RTEL1: variants seen among roughly 807,000 people sequenced by gnomAD.
RTEL1 encodes regulator of telomere elongation helicase 1.
In RTEL1, 86 loss-of-function variants were observed where a neutral mutation model predicts 162.2. That is an observed-to-expected ratio of 0.53 (90% CI 0.45 to 0.63). The LOEUF is 0.63. Among genes scored for constraint, RTEL1 ranks in the 30% least tolerant of loss-of-function variants. The pLI is 0.00. For missense variants in RTEL1, 1,941 were observed against 1,750.2 expected (o/e 1.11, Z -1.95); for synonymous variants, 958 against 717.9 (o/e 1.33, Z -5.35).
chr20:63,672,487 A>G, intron 8 of RTEL1, 69 bp from the exon 9 acceptor site: 8 of 1,254,296 alleles, frequency 6.4e-6, no homozygotes, highest in Non-Finnish European at 9.1e-6. Context: ...CCTGCTGCAC[A>G]TGTCTTGGCT....
intron 2 of RTEL1, 40 bp downstream of exon 2, chr20:63,659,544 G>A: frequency 1.4e-6 from 2 of 1,472,740 alleles, no homozygotes; most frequent in Non-Finnish European, 1.9e-6. Flanking sequence ...CGGGTGGGTG[G>A]AGCTTCAGCC....
chr20:63,664,909 T>C lies in RTEL1; in HGVS notation c.539-1095T>C, dbSNP rs1019506099. On this transcript the variant is annotated intron_variant, in intron 6 of 34. Coordinates refer to ENST00000360203, the MANE Select transcript of RTEL1 (RefSeq NM_001283009.2). Reference sequence around the variant, plus strand: ...GCCTCTGGGACGGCCCCGCCCCTCGTGCCCCTTCCCCTCGCAGCTCCTGTC... The same window carrying C: ...GCCTCTGGGACGGCCCCGCCCCTCGCGCCCCTTCCCCTCGCAGCTCCTGTC... 2.0e-5 allele frequency among the ~76,000 whole-genome samples: 3 copies of C among 152,146 alleles called. No individual in the cohort carries two copies. The South Asian group carries it at 6.2e-4, about 31-fold the overall frequency.
intron 10 of RTEL1, among the ~76,000 whole-genome samples, chr20:63,675,883 A>G (rs1396132034): frequency 6.6e-6 from 1 of 152,108 alleles, no homozygotes; most frequent in East Asian, 1.9e-4. Context: ...CATCGCTTAC[A>G]TAACGTGGGA....
intron 27 of RTEL1, 58 bp from the exon 28 acceptor site, chr20:63,691,684 G>C: frequency 6.9e-7 from 1 of 1,451,030 alleles, no homozygotes; most frequent in Non-Finnish European, 9.6e-7. Context: ...CAGGTGCTTT[G>C]GGACCCCAGA....
At chr20:63,692,488 G>C in intron 28 of RTEL1, 1 of 431,634 alleles carries the variant, frequency 2.3e-6, no homozygotes, top group Non-Finnish European at 4.3e-6. Flanking sequence ...CTGTGGGGCA[G>C]GGGGCTTGAG....
At chr20:63,681,547 G>A in intron 14 of RTEL1, 1 of 985,246 alleles carries the variant, frequency 1.0e-6, no homozygotes, top group African/African-American at 1.7e-5. Flanking sequence ...CTGGCCTGTG[G>A]GGTGCTTGAG....
chr20:63,691,894 G>C (rs890549303), intron 28 of RTEL1, 57 bp downstream of exon 28: 28 of 1,427,366 alleles, frequency 2.0e-5, no homozygotes, highest in Non-Finnish European at 2.2e-5. Context: ...TGGGAACGCA[G>C]CCGTGGGTGC....
intron 26 of RTEL1, 33 bp from the exon 27 acceptor site, chr20:63,690,772 T>TG: frequency 6.4e-7 from 1 of 1,574,086 alleles, no homozygotes; most frequent in Non-Finnish European, 8.6e-7. Context: ...GGGCCCCCCG[T>TG]GGGCTTCACT....
rs577691077 is a variant in RTEL1, at chr20:63,693,379, G to A, written c.2992+96G>A. On this transcript the variant is annotated intron_variant, in intron 30 of 34. Coordinates refer to ENST00000360203, the MANE Select transcript of RTEL1 (RefSeq NM_001283009.2). ...CTTGGGGTGGGCATCCTCGGGCCCT[G>A]CTTGGCCCCGCCTCTCTGTTCCCCT... 11 of 1,452,668 alleles carry A rather than the reference G, an allele frequency of 7.6e-6. No homozygotes were observed. The East Asian group carries it at 1.1e-4, about 15-fold the overall frequency. 90.0% of individuals were successfully genotyped at this position (1,452,668 alleles called of 1,614,324 possible). A position where few individuals can be genotyped will look rare whatever the true frequency, so the allele number is the denominator to read the frequency against.
chr20:63,695,238 G>T lies in RTEL1; in HGVS notation c.3499+17G>T, dbSNP rs769207606. On this transcript the variant is annotated intron_variant, in intron 33 of 34. Transcript: ENST00000360203. ...CCCAACCAGGTAGGGCACCTGCCTG[G>T]CTGCTCCTGGCAGCGCCCCAACCGC... 6.2e-7 allele frequency: 1 copy of T among 1,609,528 alleles called. No homozygotes were observed. Among genetic ancestry groups the T allele is most frequent in the East Asian group, 2.2e-5 (1 of 44,784 alleles).
At chr20:63,688,225 C>A in intron 19 of RTEL1, 46 bp downstream of exon 19, 1 of 1,609,874 alleles carries the variant, frequency 6.2e-7, no homozygotes, top group Non-Finnish European at 8.5e-7. Context: ...GGATCCTGGA[C>A]CCCTGCTCCC....
In RTEL1 at chr20:63,685,587, A is replaced by C; in HGVS notation, c.1256A>C (p.Gln419Pro). ...PGSPAGLGAL[Q>P]SYKVHIHPDA... is the part of the protein sequence containing the mutation. ...TCCCCAGCAGGGCTGGGGGCCTTAC[A>C]GTCCTATAAGGTAGGGGCCACCTCC... The change falls in exon 15 of 35, where the codon CAG (glutamine) becomes CCG (proline). Residue 419 changes from glutamine (Q) to proline (P), a missense_variant. Gln to Pro is a moderately conservative substitution (Grantham distance 76). Transcript: ENST00000360203. The C allele has an allele frequency of 1.9e-6, 3 of 1,611,418 alleles. No individual in the cohort carries two copies. The highest frequency in any genetic ancestry group is 2.5e-6 in the Non-Finnish European group (3 of 1,179,492).
At chr20:63,665,720 G>A (rs966821990) in intron 6 of RTEL1, among the ~76,000 whole-genome samples, 3 of 152,154 alleles carry the variant, frequency 2.0e-5, no homozygotes, top group Admixed American at 6.5e-5. Flanking sequence ...GGGCTGTCTC[G>A]GAGAGGATGC....
At chr20:63,693,468 TCCACCTCCACCTC>T (rs2090838199) in intron 30 of RTEL1, among the ~76,000 whole-genome samples, 185 bp downstream of exon 30, 472 of 9,726 alleles carry the variant, frequency 0.049, 56 homozygotes, top group East Asian at 0.1. Context: ...CACCTCCACC[TCCACCTCCACCTC>T]CACCACCACC....
chr20:63,664,021 T>C (rs6011000), intron 6 of RTEL1, among the ~76,000 whole-genome samples: 4,122 of 152,224 alleles, frequency 0.027, 190 homozygotes, highest in African/African-American at 0.095. Context: ...AGACATCCTC[T>C]GTGTTGCTTC....
In RTEL1 at chr20:63,695,166, C is replaced by T; in HGVS notation, c.3444C>T (p.Pro1148=). The T allele has an allele frequency of 7.4e-6, 12 of 1,612,434 alleles. No homozygotes were observed. The highest frequency in any genetic ancestry group is 1.0e-5 in the Non-Finnish European group (12 of 1,179,840). The change falls in exon 33 of 35, where the codon CCC becomes CCT. Residue 1148 remains proline (P), a synonymous_variant. Coordinates refer to ENST00000360203, the MANE Select transcript of RTEL1 (RefSeq NM_001283009.2). ...RPYPGMEPPG[P]QEERLAVPPV... ...ACCCGGGCATGGAGCCACCGGGACC[C>T]CAGGAGGAGAGGCTTGCCGTGCCTC...
intron 26 of RTEL1, 140 bp downstream of exon 26, chr20:63,690,581 C>T (rs992484100): frequency 2.4e-6 from 3 of 1,233,478 alleles, no homozygotes; most frequent in East Asian, 5.1e-5. Context: ...GCTGCCTCTC[C>T]CTCCTAGGGC....
At position 63,659,379 on chromosome 20, in the gene RTEL1, G is replaced by C; in HGVS notation, c.-24G>C. The C allele has an allele frequency of 6.3e-7, 1 of 1,580,898 alleles. No homozygotes were observed. The highest frequency in any genetic ancestry group is 2.2e-5 in the East Asian group (1 of 44,700). ...ATAGCCTGCCCCTCAGCCACGCTCT[G>C]TGCCCTTCTGAGAACAGGCTGATAT... On this transcript the variant is annotated 5_prime_UTR_variant, in exon 2 of 35. Transcript: ENST00000360203.
chr20:63,659,410 A>G lies in RTEL1; in HGVS notation c.8A>G (p.Lys3Arg). Residue 3 changes from lysine (K) to arginine (R), a missense_variant, in exon 2 of 35, where the codon AAG becomes AGG. By Grantham distance (26) the Lys-to-Arg change is conservative. Transcript: ENST00000360203. ...TTCTGAGAACAGGCTGATATGCCCA[A>G]GATAGTCCTGAATGGTGTGACCGTA... MPKIVLNGVTVDF... is the reference protein window; with the variant it reads MPRIVLNGVTVDF... The G allele has an allele frequency of 1.2e-6, 2 of 1,613,812 alleles. No homozygotes were observed. Among genetic ancestry groups the G allele is most frequent in the South Asian group, 2.2e-5 (2 of 91,070 alleles).
Sources: allele counts gnomAD v4.1 joint callset (sites outside exome capture counted in the v4.1 genomes callset), GRCh38; gene constraint gnomAD v4.1.1; transcripts MANE v1.5; gene names NCBI Gene and HGNC (gene_info 2026-07-23, HGNC 2026-07-21).